LAMB4: variants seen among roughly 807,000 people sequenced by gnomAD.
The protein encoded by LAMB4 is laminin subunit beta 4.
In LAMB4, 196 loss-of-function variants were observed where a neutral mutation model predicts 199.2. That is an observed-to-expected ratio of 0.98 (90% CI 0.88 to 1.11). The LOEUF (loss-of-function observed/expected upper bound fraction) is 1.11, where lower values mean the gene tolerates loss of function less well. LAMB4 is among the 50% of genes least tolerant of loss of function. LAMB4 has a pLI of 0.00. For missense variants in LAMB4, 2,080 were observed against 2,171.2 expected (o/e 0.96, Z 0.83); for synonymous variants, 744 against 770.6 (o/e 0.97, Z 0.57).
chr7:108,076,846 T>G, intron 17 of LAMB4, 98 bp downstream of exon 17: 1 of 1,371,882 alleles, frequency 7.3e-7, no homozygotes. Context: ...AGCAAATACG[T>G]TTACATTTTT....
intron 4 of LAMB4, among the ~76,000 whole-genome samples, chr7:108,109,453 C>T (rs1378586150): frequency 1.3e-5 from 2 of 152,194 alleles, no homozygotes; most frequent in Non-Finnish European, 2.9e-5. Context: ...TGACTGTGCC[C>T]ACATCTGTGT....
intron 13 of LAMB4, among the ~76,000 whole-genome samples, chr7:108,092,008 C>G (rs140626231): frequency 6.6e-6 from 1 of 152,098 alleles, no homozygotes; most frequent in African/African-American, 2.4e-5. Context: ...CGCCCCCAAC[C>G]CCCCACTGCC....
chr7:108,093,224 G>A lies in LAMB4; in HGVS notation c.1471-808C>T, dbSNP rs188922290. ...TGGGATTACAGGCGCCTGCCACCAC[G>A]CTCGGCTGATTTTTGTATTTTTAGT... On this transcript the variant is annotated intron_variant, in intron 12 of 33. Transcript: ENST00000388781. Among the ~76,000 whole-genome samples the A allele has an allele frequency of 4.2e-3, 633 of 152,172 alleles. 3 individuals are homozygous for A. The highest frequency in any genetic ancestry group is 0.014 in the African/African-American group (576 of 41,532).
chr7:108,081,865 T>C (rs753142872), intron 14 of LAMB4, among the ~76,000 whole-genome samples: 3 of 152,182 alleles, frequency 2.0e-5, no homozygotes, highest in Non-Finnish European at 2.9e-5. Flanking sequence ...GTGGCTGTTG[T>C]TGAATGTCTT....
chr7:108,125,729 T>A (rs1183606099), intron 1 of LAMB4, among the ~76,000 whole-genome samples: 1 of 152,220 alleles, frequency 6.6e-6, no homozygotes, highest in Non-Finnish European at 1.5e-5. Flanking sequence ...GGACTCAGAT[T>A]TAGAAAGACA....
chr7:108,060,885 T>C (rs901865507), intron 23 of LAMB4, among the ~76,000 whole-genome samples: 5 of 152,210 alleles, frequency 3.3e-5, no homozygotes, highest in Non-Finnish European at 5.9e-5. Flanking sequence ...CTTAAGTAGG[T>C]TGCACATAGT....
intron 33 of LAMB4, among the ~76,000 whole-genome samples, chr7:108,028,621 C>A (rs192435968): frequency 2.0e-4 from 31 of 151,844 alleles, no homozygotes; most frequent in African/African-American, 7.3e-4. Context: ...GGATTACAGG[C>A]ACCCACCACC....
chr7:108,123,690 A>C (rs892162713), intron 1 of LAMB4, among the ~76,000 whole-genome samples: 6 of 152,320 alleles, frequency 3.9e-5, no homozygotes, highest in African/African-American at 1.4e-4. Context: ...CTCTCTCAAG[A>C]GCCTTTTCTT....
chr7:108,072,920 T>A (rs1017362236), intron 17 of LAMB4, among the ~76,000 whole-genome samples: 22 of 152,206 alleles, frequency 1.4e-4, no homozygotes, highest in Non-Finnish European at 5.9e-5. Flanking sequence ...CAACCAGAGA[T>A]AATTTACAGC....
At chr7:108,037,197 C>A (rs954645814) in intron 30 of LAMB4, among the ~76,000 whole-genome samples, 191 bp downstream of exon 30, 1 of 152,052 alleles carries the variant, frequency 6.6e-6, no homozygotes, top group Non-Finnish European at 1.5e-5. Context: ...AGAAAACAAC[C>A]CTGAACCCTG....
At chr7:108,098,336 AACAG>A in intron 11 of LAMB4, 63 bp downstream of exon 11, 1 of 587,446 alleles carries the variant, frequency 1.7e-6, no homozygotes. Context: ...CCATCTCAAA[AACAG>A]ACAAACCAAC....
At chr7:108,096,342 CTTT>C (rs1441011631) in intron 11 of LAMB4, among the ~76,000 whole-genome samples, 1 of 151,826 alleles carries the variant, frequency 6.6e-6, no homozygotes, top group African/African-American at 2.4e-5. Flanking sequence ...AATTTTTTTC[CTTT>C]TTAAGGAAGA....
In LAMB4 at chr7:108,103,026, G is replaced by A. The variant is rs2150646248; in HGVS notation, c.1180+18C>T. 1 of 1,548,708 alleles carries A rather than the reference G, an allele frequency of 6.5e-7. No homozygotes were observed. The highest frequency in any genetic ancestry group is 2.3e-5 in the East Asian group (1 of 43,858). ...TGCTCAGACAGTGGGTAGGATCCAG[G>A]CAGACCCGGGGACTCACGAATGCAC... is the stretch of plus-strand genomic sequence containing the variant. On this transcript the variant is annotated intron_variant, in intron 10 of 33. Transcript: ENST00000388781.
chr7:108,068,720 A>T lies in LAMB4; in HGVS notation c.2303-561T>A, dbSNP rs117431754. Among the ~76,000 whole-genome samples, 420 of 151,954 alleles carry T rather than the reference A, an allele frequency of 2.8e-3. 2 individuals carry two copies. Among genetic ancestry groups the T allele is most frequent in the Admixed American group, 5.7e-3 (87 of 15,262 alleles). ...TGTTTGTTTGTTTTTCTGAGACTGA[A>T]TCTCATTCTATGGCCCAGGCTGGAG... On this transcript the variant is annotated intron_variant, in intron 18 of 33. Transcript: ENST00000388781.
Position 108,104,494 on chromosome 7 carries a change from C to T in LAMB4, c.991+5G>A, listed in dbSNP as rs776345420. 1 of 1,614,034 alleles carries T rather than the reference C, an allele frequency of 6.2e-7. No homozygotes were observed. The highest frequency in any genetic ancestry group is 1.1e-5 in the South Asian group (1 of 91,074). On this transcript the variant is annotated splice_donor_5th_base_variant and intron_variant, in intron 9 of 33. Coordinates refer to ENST00000388781, the MANE Select transcript of LAMB4 (RefSeq NM_007356.3). Reference sequence around the variant, plus strand: ...AGTCTATGCAGGGAACTGAGTTTCACCCACATCTGCAAGCGTTGTCCTGGA... The same window carrying T: ...AGTCTATGCAGGGAACTGAGTTTCATCCACATCTGCAAGCGTTGTCCTGGA...
Position 108,079,764 on chromosome 7 carries a change from C to T in LAMB4, c.1724G>A (p.Ser575Asn). The change falls in exon 15 of 34, where the codon AGT (serine) becomes AAT (asparagine). Residue 575 changes from serine to asparagine, a missense_variant. Coordinates refer to ENST00000388781, the MANE Select transcript of LAMB4 (RefSeq NM_007356.3). ...TCCTAAAACAACGTGAACAGCAGGA[C>T]TCTGGCCAAACGTCTCCGAGCCCTA... is the stretch of plus-strand genomic sequence containing the variant. ...APLGSETFGQ[S>N]PAVHVVLGEP... 1 of 1,600,104 alleles carries T rather than the reference C, an allele frequency of 6.2e-7. No homozygotes were observed. The highest frequency in any genetic ancestry group is 8.5e-7 in the Non-Finnish European group (1 of 1,174,782).
downstream of LAMB4, among the ~76,000 whole-genome samples, chr7:108,020,736 T>C (rs1410731285): frequency 1.3e-5 from 2 of 152,116 alleles, no homozygotes; most frequent in African/African-American, 4.8e-5. Flanking sequence ...TCCGAATGAC[T>C]CACAAGCAAA....
chr7:108,018,022 C>T, the LAMB4 span, among the ~76,000 whole-genome samples: 2 of 152,228 alleles, frequency 1.3e-5, no homozygotes, highest in African/African-American at 4.8e-5. Context: ...CCACTGTGCC[C>T]ATGCAGCAGG....
rs144208345 is a variant in LAMB4, at chr7:108,049,980, G to A, written c.3917-449C>T. Among the ~76,000 whole-genome samples the A allele has an allele frequency of 8.1e-4, 124 of 152,224 alleles. 2 individuals are homozygous for A. In the East Asian group the frequency reaches 0.021, roughly 26 times the overall value. ...ATAAACCAACTAAATTTACTTAACC[G>A]TATAGAGCAGGAGTTGACAAACTTT... is the stretch of plus-strand genomic sequence containing the variant. On this transcript the variant is annotated intron_variant, in intron 26 of 33. Transcript: ENST00000388781.
Sources: gnomAD v4.1 joint callset for allele counts (sites outside exome capture counted in the v4.1 genomes callset) on GRCh38, gnomAD v4.1.1 for gene constraint, MANE v1.5 for transcripts, NCBI Gene and HGNC (gene_info 2026-07-23, HGNC 2026-07-21) for gene names.